The following RIMS2 variants were observed in gnomAD, a reference collection of about 807,000 sequenced individuals.
The protein encoded by RIMS2 is regulating synaptic membrane exocytosis 2, also known as regulating synaptic membrane exocytosis protein 2.
A neutral mutation model predicts 174.4 loss-of-function variants in RIMS2; 59 were observed. The observed-to-expected ratio is 0.34, with a 90% CI of 0.27 to 0.42. The LOEUF is 0.42. Among genes scored for constraint, RIMS2 ranks in the 10% least tolerant of loss-of-function variants. RIMS2 has a pLI of 1.00. For missense variants in RIMS2, 1,620 were observed against 1,666.3 expected (o/e 0.97, Z 0.48); for synonymous variants, 606 against 572.5 (o/e 1.06, Z -0.84).
intron 19 of RIMS2, among the ~76,000 whole-genome samples, chr8:104,066,676 G>T (rs576642225): frequency 2.0e-5 from 3 of 152,012 alleles, no homozygotes; most frequent in Non-Finnish European, 4.4e-5. Context: ...GCACTCACCT[G>T]GTTTTATATG....
At chr8:104,041,641 C>A (rs940340977) in intron 19 of RIMS2, among the ~76,000 whole-genome samples, 1 of 151,418 alleles carries the variant, frequency 6.6e-6, no homozygotes, top group Non-Finnish European at 1.5e-5. Context: ...TGTATGTATG[C>A]GTATGTATAT....
At chr8:103,893,747 T>C (rs887895090) in intron 4 of RIMS2, among the ~76,000 whole-genome samples, 1 of 152,086 alleles carries the variant, frequency 6.6e-6, no homozygotes, top group Non-Finnish European at 1.5e-5. Flanking sequence ...TGCCTATCGG[T>C]TCTTTCATTG....
At chr8:103,992,868 T>C (rs1361330888) in intron 17 of RIMS2, among the ~76,000 whole-genome samples, 1 of 152,214 alleles carries the variant, frequency 6.6e-6, no homozygotes, top group Non-Finnish European at 1.5e-5. Context: ...TTTTATACCA[T>C]TGTTTTTCTG....
rs759620175 is a variant in RIMS2 at position 103,947,160 on chromosome 8, C to CTTT, written c.2701+4234_2701+4235insTTT. ...AGACTATAAAAGTCTTCAAAGAAAA[C>CTTT]ATAGGAGAAAAATCTTCATTCCTTT... On this transcript the variant is annotated intron_variant, in intron 14 of 23. Coordinates refer to ENST00000504942, the Ensembl canonical transcript of RIMS2. Among the ~76,000 whole-genome samples the CTTT allele has an allele frequency of 3.9e-5, 6 of 152,128 alleles. No individual in the cohort carries two copies. In the South Asian group the frequency reaches 6.2e-4, roughly 16 times the overall value.
chr8:104,113,660 GTAAC>G (rs2131898175), intron 19 of RIMS2, among the ~76,000 whole-genome samples: 1 of 151,662 alleles, frequency 6.6e-6, no homozygotes, highest in African/African-American at 2.4e-5. Flanking sequence ...TATATATAAA[GTAAC>G]TAGTGGATTA....
At chr8:103,713,458 T>C (rs1197549102) in intron 2 of RIMS2, among the ~76,000 whole-genome samples, 1 of 152,214 alleles carries the variant, frequency 6.6e-6, no homozygotes, top group African/African-American at 2.4e-5. Context: ...TTTCAACTTT[T>C]TAATTGGCCC....
At chr8:104,245,034 G>A in exon 20 of RIMS2, 1 of 1,613,798 alleles carries the variant, frequency 6.2e-7, no homozygotes, top group Non-Finnish European at 8.5e-7. Flanking sequence ...ATGGTAGCAT[G>A]AACAGCTACA....
At chr8:104,060,820 G>T (rs902127381) in intron 19 of RIMS2, among the ~76,000 whole-genome samples, 5 of 152,074 alleles carry the variant, frequency 3.3e-5, no homozygotes, top group African/African-American at 1.2e-4. Context: ...CCTTCATTTA[G>T]TTATGTACCC....
At chr8:104,184,069 C>G (rs1326538610) in intron 19 of RIMS2, among the ~76,000 whole-genome samples, 1 of 151,514 alleles carries the variant, frequency 6.6e-6, no homozygotes, top group East Asian at 1.9e-4. Flanking sequence ...GTTGTCCACA[C>G]ACCCCACAAA....
chr8:103,720,804 G>A lies in RIMS2; in HGVS notation c.387+23508G>A, dbSNP rs962564918. Among the ~76,000 whole-genome samples, 12 of 152,308 alleles carry A rather than the reference G, an allele frequency of 7.9e-5. No individual in the cohort carries two copies. The South Asian group carries it at 1.7e-3, about 21-fold the overall frequency. Reference sequence around the variant, plus strand: ...TTTTGAGTAGTTTAAAAGGCAGAGAGAGGCTACTGACTATTTGTTTGAATA... The same window carrying A: ...TTTTGAGTAGTTTAAAAGGCAGAGAAAGGCTACTGACTATTTGTTTGAATA... On this transcript the variant is annotated intron_variant, in intron 2 of 23. Coordinates refer to ENST00000504942, the Ensembl canonical transcript of RIMS2.
chr8:103,872,901 T>G (rs1474777676), intron 3 of RIMS2, among the ~76,000 whole-genome samples: 2 of 152,188 alleles, frequency 1.3e-5, no homozygotes, highest in African/African-American at 2.4e-5. Flanking sequence ...ATTAGAGAGA[T>G]TAGATATTCA....
chr8:103,523,149 C>CAG (rs1295264096), intron 1 of RIMS2, among the ~76,000 whole-genome samples: 2 of 149,688 alleles, frequency 1.3e-5, no homozygotes, highest in Non-Finnish European at 3.0e-5. Flanking sequence ...ATGAGAGATA[C>CAG]AGAGAGAGAG....
At chr8:103,787,046 G>A (rs2098450579) in intron 3 of RIMS2, among the ~76,000 whole-genome samples, 1 of 149,076 alleles carries the variant, frequency 6.7e-6, no homozygotes, top group African/African-American at 2.5e-5. Context: ...TGTCTCTTTT[G>A]ATCTTTGTTG....
chr8:103,847,678 G>T (rs193083994), intron 3 of RIMS2, among the ~76,000 whole-genome samples: 1 of 152,136 alleles, frequency 6.6e-6, no homozygotes, highest in Admixed American at 6.6e-5. Flanking sequence ...AAGGTGGAAG[G>T]TATCTAGTGC....
chr8:103,733,693 G>A (rs1464899288), intron 2 of RIMS2, among the ~76,000 whole-genome samples: 1 of 152,114 alleles, frequency 6.6e-6, no homozygotes, highest in Admixed American at 6.5e-5. Context: ...ACTTCATCAG[G>A]TCAGCACTGA....
intron 3 of RIMS2, among the ~76,000 whole-genome samples, chr8:103,857,323 A>T (rs762735785): frequency 1.3e-5 from 2 of 152,344 alleles, no homozygotes. Flanking sequence ...GTTACAGTTT[A>T]TTGAAATTCT....
chr8:103,827,091 T>C (rs2154477082), intron 3 of RIMS2, among the ~76,000 whole-genome samples: 1 of 152,302 alleles, frequency 6.6e-6, no homozygotes, highest in East Asian at 1.9e-4. Context: ...CATCTTAACA[T>C]TGAGTCTTCC....
chr8:104,043,479 G>A (rs2096643184), intron 19 of RIMS2, among the ~76,000 whole-genome samples: 2 of 151,564 alleles, frequency 1.3e-5, no homozygotes, highest in African/African-American at 4.8e-5. Flanking sequence ...AAAGAATAGG[G>A]ATGTCAAGGG....
intron 1 of RIMS2, among the ~76,000 whole-genome samples, chr8:103,627,074 A>C (rs367686995): frequency 6.6e-6 from 1 of 152,062 alleles, no homozygotes; most frequent in Admixed American, 6.6e-5. Flanking sequence ...ACCAGGGTGT[A>C]TTTCAGTCCT....
Sources: allele counts gnomAD v4.1 joint callset (sites outside exome capture counted in the v4.1 genomes callset), GRCh38; gene constraint gnomAD v4.1.1; transcripts MANE v1.5; gene names NCBI Gene and HGNC (gene_info 2026-07-23, HGNC 2026-07-21).